The following TRMT11 variants were observed in gnomAD, a reference collection of about 807,000 sequenced individuals.
TRMT11 encodes the protein tRNA methyltransferase 11.
Under a neutral mutation model 62.8 loss-of-function variants are expected in TRMT11, and 53 were observed. The observed-to-expected ratio is 0.84, with a 90% confidence interval of 0.68 to 1.06. The LOEUF (loss-of-function observed/expected upper bound fraction) is 1.06, where lower values mean the gene tolerates loss of function less well. TRMT11 is among the 50% of genes least tolerant of loss of function. The probability of loss-of-function intolerance (pLI) is 0.00; values close to 1 mark genes in which losing one functional copy is unlikely to be tolerated. For synonymous variants in TRMT11, 188 were observed against 190.3 expected, an observed-to-expected ratio of 0.99 and a Z score of 0.10; for missense variants, 556 against 553.4, an observed-to-expected ratio of 1.00 and a Z score of -0.05.
chr6:126,008,545 C>T, intron 8 of TRMT11, 73 bp downstream of exon 8: 2 of 1,274,542 alleles, frequency 1.6e-6, no homozygotes, highest in South Asian at 1.2e-5. Flanking sequence ...TACAGTTGAC[C>T]CTGGAAGAAC....
At chr6:126,223,239 G>A in the TRMT11 span, among the ~76,000 whole-genome samples, 1 of 152,046 alleles carries the variant, frequency 6.6e-6, no homozygotes, top group African/African-American at 2.4e-5. Flanking sequence ...GGCTAACACG[G>A]TGAAACCTCA....
intron 1 of TRMT11, among the ~76,000 whole-genome samples, chr6:126,189,348 T>G (rs1778566674): frequency 6.6e-6 from 1 of 152,156 alleles, no homozygotes; most frequent in Non-Finnish European, 1.5e-5. Flanking sequence ...CAGCTCATAT[T>G]ATTAACTAAA....
intron 17 of TRMT11, among the ~76,000 whole-genome samples, chr6:126,110,304 C>G (rs999400708): frequency 6.6e-6 from 1 of 152,110 alleles, no homozygotes; most frequent in African/African-American, 2.4e-5. Context: ...GGCCTGGGCT[C>G]CATATCCTTC....
At chr6:126,001,550 G>A (rs1443054687) in intron 7 of TRMT11, among the ~76,000 whole-genome samples, 1 of 151,976 alleles carries the variant, frequency 6.6e-6, no homozygotes, top group Non-Finnish European at 1.5e-5. Flanking sequence ...TCTGGTCTAG[G>A]TTGTGTTTGA....
the TRMT11 span, among the ~76,000 whole-genome samples, chr6:126,253,037 G>A: frequency 6.6e-6 from 1 of 151,864 alleles, no homozygotes; most frequent in Non-Finnish European, 1.5e-5. Flanking sequence ...TATGGAGTAA[G>A]CTTACACATA....
intron 9 of TRMT11, among the ~76,000 whole-genome samples, chr6:126,012,166 C>T (rs575549668): frequency 1.8e-4 from 27 of 152,200 alleles, no homozygotes; most frequent in African/African-American, 5.8e-4. Flanking sequence ...CTTATGGTTT[C>T]AGTGTGAATA....
Position 126,138,102 on chromosome 6 carries a change from AAAG to A in TRMT11, c.*1823+22253_*1823+22255del, listed in dbSNP as rs201363478. ...TATTGTATATTTCAAAATAGCTAGA[AAAG>A]AAGAATTATAATGTTCCCATCACAA... On this transcript the variant is annotated intron_variant and NMD_transcript_variant, in intron 21 of 22. Coordinates refer to the TRMT11 transcript ENST00000648977. Among the ~76,000 whole-genome samples, 838 of 152,088 alleles carry A rather than the reference AAAG, an allele frequency of 5.5e-3. 6 individuals carry two copies. Among genetic ancestry groups the A allele is most frequent in the African/African-American group, 0.019 (793 of 41,564 alleles).
At chr6:126,235,534 A>G in the TRMT11 span, among the ~76,000 whole-genome samples, 2 of 152,212 alleles carry the variant, frequency 1.3e-5, no homozygotes, top group Admixed American at 6.5e-5. Context: ...TGCAAAAGAG[A>G]TCATGTCCTT....
intron 17 of TRMT11, among the ~76,000 whole-genome samples, chr6:126,087,707 A>T (rs1487681227): frequency 6.6e-6 from 1 of 152,222 alleles, no homozygotes; most frequent in South Asian, 2.1e-4. Flanking sequence ...CTTGCTTTTA[A>T]ACTAGGTAGC....
downstream of TRMT11, among the ~76,000 whole-genome samples, chr6:126,203,554 T>C (rs1454365638): frequency 1.3e-5 from 2 of 152,200 alleles, no homozygotes; most frequent in Non-Finnish European, 2.9e-5. Flanking sequence ...TAAAGATGAC[T>C]TCAAAGCCAG....
chr6:126,190,536 C>A (rs1460867861), intron 1 of TRMT11, among the ~76,000 whole-genome samples: 1 of 152,110 alleles, frequency 6.6e-6, no homozygotes, highest in Non-Finnish European at 1.5e-5. Context: ...TCAATTAAAC[C>A]TCCTTCCTTT....
intron 21 of TRMT11, among the ~76,000 whole-genome samples, chr6:126,118,073 T>G (rs1014318377): frequency 5.3e-5 from 8 of 152,130 alleles, no homozygotes; most frequent in Admixed American, 4.6e-4. Flanking sequence ...TGTCAGTAGA[T>G]TTGCCATAAA....
intron 21 of TRMT11, among the ~76,000 whole-genome samples, chr6:126,133,081 G>A (rs768111875): frequency 3.3e-5 from 5 of 152,132 alleles, no homozygotes; most frequent in South Asian, 2.1e-4. Flanking sequence ...GTACAAGGAA[G>A]TTGTGTTTTG....
intron 1 of TRMT11, among the ~76,000 whole-genome samples, chr6:125,991,278 TTC>T (rs1280350981): frequency 6.6e-6 from 1 of 151,658 alleles, no homozygotes; most frequent in Non-Finnish European, 1.5e-5. Context: ...TTGGAGACTG[TTC>T]TCTCTCTGTT....
intron 2 of TRMT11, chr6:126,198,925 T>C (rs1460771109): frequency 6.6e-6 from 1 of 152,206 alleles, no homozygotes; most frequent in Non-Finnish European, 1.5e-5. Flanking sequence ...AAAACGACCA[T>C]GAAGGGAGCC....
intron 21 of TRMT11, among the ~76,000 whole-genome samples, chr6:126,142,294 A>G (rs1472572088): frequency 6.6e-6 from 1 of 152,212 alleles, no homozygotes; most frequent in East Asian, 1.9e-4. Context: ...TTTCAGCCCA[A>G]CAATTCCACA....
At chr6:126,071,779 T>A (rs1428759676) in intron 17 of TRMT11, among the ~76,000 whole-genome samples, 2 of 152,066 alleles carry the variant, frequency 1.3e-5, no homozygotes, top group Non-Finnish European at 2.9e-5. Flanking sequence ...CAGAACAGTT[T>A]CAGAAAATAA....
At chr6:126,038,450 A>AAAG (rs759846673) in intron 12 of TRMT11, among the ~76,000 whole-genome samples, 2 of 150,452 alleles carry the variant, frequency 1.3e-5, no homozygotes, top group African/African-American at 4.9e-5. Context: ...AAAAAAAAAA[A>AAAG]AAAGAAAAAA....
chr6:126,021,700 C>T (rs965565862), intron 12 of TRMT11, among the ~76,000 whole-genome samples: 1 of 152,116 alleles, frequency 6.6e-6, no homozygotes, highest in African/African-American at 2.4e-5. Flanking sequence ...TAAATGTCCC[C>T]AGTTTGTTAG....
Sources: gnomAD v4.1 joint callset for allele counts (sites outside exome capture counted in the v4.1 genomes callset) on GRCh38, gnomAD v4.1.1 for gene constraint, MANE v1.5 for transcripts, NCBI Gene and HGNC (gene_info 2026-07-23, HGNC 2026-07-21) for gene names.